The following BCL10 variants were observed in gnomAD, a reference collection of about 807,000 sequenced individuals.
BCL10 encodes the protein B-cell lymphoma/leukemia 10.
In BCL10, 5 loss-of-function variants were observed where a neutral mutation model predicts 19.2. The observed-to-expected ratio is 0.26, with a 90% CI of 0.14 to 0.55. The LOEUF (loss-of-function observed/expected upper bound fraction) is 0.55. Among genes scored for constraint, BCL10 ranks in the 20% least tolerant of loss-of-function variants. The pLI, the probability that BCL10 is intolerant of heterozygous loss-of-function variation, is 0.94. For synonymous variants in BCL10, 110 were observed against 98.8 expected (o/e 1.11, Z -0.67); for missense variants, 201 against 271.9 (o/e 0.74, Z 1.83).
chr1:85,269,799 T>A (rs549027947), intron 2 of BCL10, among the ~76,000 whole-genome samples: 25 of 152,364 alleles, frequency 1.6e-4, no homozygotes, highest in Middle Eastern at 6.8e-3. Flanking sequence ...TGAGTGTATA[T>A]TCTGGAGTGA....
rs1245406467 is a variant in BCL10, at chr1:85,276,594, C to G, written c.-242G>C. On this transcript the variant is annotated 5_prime_UTR_variant, in exon 1 of 3. Coordinates refer to ENST00000648566, the MANE Select transcript of BCL10 (RefSeq NM_003921.5). ...ACGCGACGCGACGCGGAGCTCGGAG[C>G]AGCGTTCCTTCCCTCTCGTAGAGGC... The G allele has an allele frequency of 5.1e-6, 3 of 589,162 alleles. No individual in the cohort carries two copies. The highest frequency in any genetic ancestry group is 9.1e-6 in the Non-Finnish European group (3 of 330,806). The allele number at this position is 589,162 out of a possible 1,614,324, so 36.5% of individuals were successfully genotyped here. A position where few individuals can be genotyped will look rare whatever the true frequency, so the allele number is the denominator to read the frequency against.
At chr1:85,268,815 G>A (rs1239885418) in intron 2 of BCL10, among the ~76,000 whole-genome samples, 1 of 150,624 alleles carries the variant, frequency 6.6e-6, no homozygotes, top group African/African-American at 2.4e-5. Flanking sequence ...GGACAGTTAA[G>A]TCATGTCCAA....
At chr1:85,273,690 C>T (rs1349035000) in intron 1 of BCL10, among the ~76,000 whole-genome samples, 4 of 152,184 alleles carry the variant, frequency 2.6e-5, no homozygotes, top group African/African-American at 9.7e-5. Flanking sequence ...ATTTCAAAAA[C>T]TGCATCTGGA....
Position 85,270,835 on chromosome 1 carries a change from T to G in BCL10, c.129A>C (p.Ala43=). Residue 43 remains alanine, a synonymous_variant, in exon 2 of 3, where the codon GCA becomes GCC. Coordinates refer to ENST00000648566, the MANE Select transcript of BCL10 (RefSeq NM_003921.5). ...IAERHFDHLR[A]KKILSREDTE... is the part of the protein sequence containing the mutation. ...TGTCTTCTCTACTGAGTATTTTTTT[T>G]GCACGTAGATGATCAAAATGTCTCT... 6.2e-7 allele frequency: 1 copy of G among 1,613,598 alleles called. No homozygotes were observed. Among genetic ancestry groups the G allele is most frequent in the Middle Eastern group, 1.6e-4 (1 of 6,062 alleles).
chr1:85,272,298 C>T (rs902764726), intron 1 of BCL10, among the ~76,000 whole-genome samples: 1 of 152,050 alleles, frequency 6.6e-6, no homozygotes, highest in African/African-American at 2.4e-5. Context: ...GTGGCTTGAT[C>T]ATAGCTCACT....
intron 1 of BCL10, among the ~76,000 whole-genome samples, chr1:85,276,034 T>C (rs185778211): frequency 1.3e-5 from 2 of 151,916 alleles, no homozygotes; most frequent in East Asian, 1.9e-4. Flanking sequence ...GGGTGAGGAG[T>C]GGGCAAGAAT....
intron 1 of BCL10, among the ~76,000 whole-genome samples, chr1:85,275,729 C>T (rs1660502872): frequency 1.3e-5 from 2 of 152,158 alleles, no homozygotes. Flanking sequence ...CGACGTTTAC[C>T]TGTACATTAA....
intron 1 of BCL10, among the ~76,000 whole-genome samples, chr1:85,274,204 G>T (rs1012610198): frequency 6.6e-6 from 1 of 152,100 alleles, no homozygotes; most frequent in African/African-American, 2.4e-5. Flanking sequence ...TTATTTATTT[G>T]TTTTAAACTA....
intron 1 of BCL10, 96 bp downstream of exon 1, chr1:85,276,200 G>T: frequency 6.7e-7 from 1 of 1,485,204 alleles, no homozygotes; most frequent in East Asian, 2.3e-5. Flanking sequence ...CCGACCTGGA[G>T]GATCCTCCTT....
chr1:85,270,897 T>C lies in BCL10; in HGVS notation c.67A>G (p.Asn23Asp), dbSNP rs1557787184. The C allele has an allele frequency of 6.2e-7, 1 of 1,607,232 alleles. No individual in the cohort carries two copies. The highest frequency in any genetic ancestry group is 8.5e-7 in the Non-Finnish European group (1 of 1,178,928). The change falls in exon 2 of 3, where the codon AAT (asparagine) becomes GAT (aspartate). Residue 23 changes from asparagine (N) to aspartate (D), a missense_variant. This residue lies in a region of BCL10 where 51 missense variants were observed against 118.8 expected (regional missense o/e 0.43). Coordinates refer to ENST00000648566, the MANE Select transcript of BCL10 (RefSeq NM_003921.5). ...TTCTCACACAGGTATACACGTAAAT[T>C]TTCTAAGGCCTAAAAGACATAAAAT... The part of the protein sequence containing the change: ...LTEVKKDALE[N>D]LRVYLCEKII...
rs771494729 is a variant in BCL10, at chr1:85,276,245, G to A, written c.57+51C>T. ...CTCCAGGCTTCCGCTTTCGTCTCCC[G>A]CTGGGCTGCAGCCCGCCCCCGCCCG... On this transcript the variant is annotated intron_variant, in intron 1 of 2. Transcript: ENST00000648566. 3.2e-5 allele frequency: 50 copies of A among 1,578,988 alleles called. No homozygotes were observed. The South Asian group carries it at 5.4e-4, about 17-fold the overall frequency.
rs1269565391 is a variant in BCL10 at position 85,267,129 on chromosome 1, G to A, written c.*498C>T. 2.1e-5 allele frequency: 4 copies of A among 192,404 alleles called. No homozygotes were observed. Among genetic ancestry groups the A allele is most frequent in the East Asian group, 8.1e-5 (1 of 12,314 alleles). The allele number at this position is 192,404 out of a possible 1,614,324, so 11.9% of individuals were successfully genotyped here. ...AAAGAGGCTGTTTACATGCCTATAC[G>A]ACAATGGAGTGGAAAAGAGATTTTT... is the stretch of plus-strand genomic sequence containing the variant. On this transcript the variant is annotated 3_prime_UTR_variant, in exon 3 of 3. Coordinates refer to ENST00000648566, the MANE Select transcript of BCL10 (RefSeq NM_003921.5).
At position 85,270,808 on chromosome 1, in the gene BCL10, A is replaced by G. The variant is rs774921761; in HGVS notation, c.156T>C (p.Thr52=). The part of the protein sequence containing the change: ...RAKKILSRED[T]EEISCRTSSR... ...TTGATGTTCGACAAGAAATTTCTTC[A>G]GTGTCTTCTCTACTGAGTATTTTTT... The change falls in exon 2 of 3, where the codon ACT becomes ACC. Residue 52 remains threonine (T), a synonymous_variant. Coordinates refer to ENST00000648566, the MANE Select transcript of BCL10 (RefSeq NM_003921.5). 6.2e-7 allele frequency: 1 copy of G among 1,613,974 alleles called. No individual in the cohort carries two copies. Among genetic ancestry groups the G allele is most frequent in the East Asian group, 2.2e-5 (1 of 44,872 alleles).
At position 85,266,416 on chromosome 1, in the gene BCL10, T is replaced by C. The variant is rs1284234889; in HGVS notation, c.*1211A>G. 5.3e-6 allele frequency: 1 copy of C among 189,220 alleles called. No homozygotes were observed. Among genetic ancestry groups the C allele is most frequent in the Non-Finnish European group, 1.1e-5 (1 of 90,016 alleles). 11.7% of individuals were successfully genotyped at this position (189,220 alleles called of 1,614,324 possible). On this transcript the variant is annotated 3_prime_UTR_variant, in exon 3 of 3. Coordinates refer to ENST00000648566, the MANE Select transcript of BCL10 (RefSeq NM_003921.5). ...ATAAACATGTAAAATTAGTCAAATT[T>C]TGTTTTACAACAAAAAGACAAATCT... is the stretch of plus-strand genomic sequence containing the variant.
Position 85,267,850 on chromosome 1 carries a change from G to T in BCL10, c.479C>A (p.Ser160Tyr). The change falls in exon 3 of 3, where the codon TCC becomes TAC. Residue 160 changes from serine (S) to tyrosine (Y), a missense_variant. Coordinates refer to ENST00000648566, the MANE Select transcript of BCL10 (RefSeq NM_003921.5). ...STVMYHPEGE[S>Y]STTPFFSTNS... ...AGTAGAAAAAAAGGGCGTCGTGCTG[G>T]ATTCTCCTTCTGGATGGTACATGAC... is the stretch of plus-strand genomic sequence containing the variant. 1 of 1,614,228 alleles carries T rather than the reference G, an allele frequency of 6.2e-7. No homozygotes were observed. The highest frequency in any genetic ancestry group is 8.5e-7 in the Non-Finnish European group (1 of 1,180,034).
chr1:85,275,536 T>C (rs1331995636), intron 1 of BCL10, among the ~76,000 whole-genome samples: 2 of 152,230 alleles, frequency 1.3e-5, no homozygotes, highest in Non-Finnish European at 2.9e-5. Context: ...GAGTTTCTGT[T>C]TTTCATTTGA....
Position 85,266,953 on chromosome 1 carries a change from A to G in BCL10, c.*674T>C, listed in dbSNP as rs915628483. On this transcript the variant is annotated 3_prime_UTR_variant, in exon 3 of 3. Transcript: ENST00000648566. ...ACATGTAATAACTGAGGTTTAGGCC[A>G]AGATATTTTTCTTTAGGAATGAAAA... 5.4e-6 allele frequency: 1 copy of G among 184,124 alleles called. No homozygotes were observed. Among genetic ancestry groups the G allele is most frequent in the African/African-American group, 2.3e-5 (1 of 42,564 alleles). The allele number at this position is 184,124 out of a possible 1,614,324, so 11.4% of individuals were successfully genotyped here. A position where few individuals can be genotyped will look rare whatever the true frequency, so the allele number is the denominator to read the frequency against.
Position 85,266,876 on chromosome 1 carries a change from CAAAAAAAAAA to C in BCL10, c.*741_*750del, listed in dbSNP as rs71650007. On this transcript the variant is annotated 3_prime_UTR_variant, in exon 3 of 3. Coordinates refer to ENST00000648566, the MANE Select transcript of BCL10 (RefSeq NM_003921.5). Reference sequence around the variant, plus strand: ...CCTGGGCGATAGAGCAAGACTGTCTCAAAAAAAAAAAAAAAAAAAAAAGAAAAAAGGAAAA... The same window carrying C: ...CCTGGGCGATAGAGCAAGACTGTCTCAAAAAAAAAAAAGAAAAAAGGAAAA... The C allele has an allele frequency of 0.045, 4,023 of 88,694 alleles. 103 individuals carry two copies. The highest frequency in any genetic ancestry group is 0.17 in the East Asian group (761 of 4,376). The allele number at this position is 88,694 out of a possible 1,614,324, so 5.5% of individuals were successfully genotyped here. A position where few individuals can be genotyped will look rare whatever the true frequency, so the allele number is the denominator to read the frequency against.
At chr1:85,273,365 T>C (rs941234256) in intron 1 of BCL10, among the ~76,000 whole-genome samples, 1 of 152,206 alleles carries the variant, frequency 6.6e-6, no homozygotes, top group Non-Finnish European at 1.5e-5. Flanking sequence ...TACCACACTC[T>C]CCTGGTTTTC....
Sources: gnomAD v4.1 joint callset for allele counts (sites outside exome capture counted in the v4.1 genomes callset) on GRCh38, gnomAD v4.1.1 for gene constraint, gnomAD v4.1.1 regional missense constraint, MANE v1.5 for transcripts, NCBI Gene and HGNC (gene_info 2026-07-23, HGNC 2026-07-21) for gene names.